Variants in DNM3 observed in about 807,000 individuals in gnomAD.
The protein encoded by DNM3 is dynamin-3.
DNM3 carries 47 observed loss-of-function variants against 101.6 expected under a neutral mutation model. That is an observed-to-expected ratio of 0.46 (90% CI 0.37 to 0.59). DNM3 has a LOEUF of 0.59. Ranked by LOEUF, DNM3 falls within the 20% of genes least tolerant of loss-of-function variation. DNM3 has a pLI of 0.00. For missense variants in DNM3, 849 were observed against 1,085.7 expected (o/e 0.78, Z 3.06); for synonymous variants, 385 against 387.9 (o/e 0.99, Z 0.09).
intron 16 of DNM3, among the ~76,000 whole-genome samples, chr1:172,313,437 A>G (rs531216812): frequency 6.6e-6 from 1 of 152,342 alleles, no homozygotes; most frequent in East Asian, 1.9e-4. Context: ...GATATAACAA[A>G]CAACTGACTT....
chr1:172,035,449 C>A (rs1480592167), intron 6 of DNM3, among the ~76,000 whole-genome samples: 4 of 151,928 alleles, frequency 2.6e-5, no homozygotes, highest in Non-Finnish European at 5.9e-5. Context: ...AGGCCTTGGA[C>A]CCAGATTTGA....
chr1:172,162,346 A>T (rs585823), intron 14 of DNM3, among the ~76,000 whole-genome samples: 144,696 of 152,124 alleles, frequency 0.95, 68,893 homozygotes, highest in East Asian at 1. Context: ...CAAAAAAACA[A>T]CATTTTGGGT....
At chr1:172,379,536 A>G (rs2068782246) in intron 18 of DNM3, among the ~76,000 whole-genome samples, 1 of 152,182 alleles carries the variant, frequency 6.6e-6, no homozygotes, top group African/African-American at 2.4e-5. Flanking sequence ...TTGAGACTAA[A>G]GGCAAAGGAT....
chr1:171,913,586 A>G (rs1022758016), intron 1 of DNM3, among the ~76,000 whole-genome samples: 1 of 152,226 alleles, frequency 6.6e-6, no homozygotes, highest in Admixed American at 6.5e-5. Flanking sequence ...AGCTATTTTA[A>G]TAGCACCATT....
intron 2 of DNM3, among the ~76,000 whole-genome samples, chr1:171,948,940 G>A (rs1460751003): frequency 6.6e-6 from 1 of 152,132 alleles, no homozygotes; most frequent in Non-Finnish European, 1.5e-5. Flanking sequence ...TGTTTAGGAA[G>A]TGCCTCATTT....
chr1:172,190,958 C>G (rs1200649407), intron 14 of DNM3, among the ~76,000 whole-genome samples: 2 of 152,108 alleles, frequency 1.3e-5, no homozygotes, highest in Non-Finnish European at 2.9e-5. Flanking sequence ...TTCTCCCATT[C>G]TGTAGGTTGC....
chr1:171,932,054 C>CCCTCCCTCCATT (rs1235836308), intron 2 of DNM3, among the ~76,000 whole-genome samples: 1 of 111,786 alleles, frequency 8.9e-6, no homozygotes, highest in Non-Finnish European at 1.9e-5. Flanking sequence ...CCATCCCCCA[C>CCCTCCCTCCATT]CCTCCCTCCA....
chr1:172,030,040 G>A (rs899943129), intron 4 of DNM3, among the ~76,000 whole-genome samples: 13 of 152,186 alleles, frequency 8.5e-5, no homozygotes, highest in African/African-American at 3.1e-4. Context: ...TTTCTTCAAA[G>A]AATTAGAAAA....
At chr1:171,921,877 C>T in intron 2 of DNM3, 56 bp downstream of exon 2, 2 of 1,493,514 alleles carry the variant, frequency 1.3e-6, no homozygotes, top group Non-Finnish European at 1.8e-6. Flanking sequence ...CCCCTTTTGC[C>T]TTCATAGGTG....
chr1:171,874,610 C>G (rs2035587207), intron 1 of DNM3, among the ~76,000 whole-genome samples: 2 of 152,054 alleles, frequency 1.3e-5, no homozygotes, highest in Admixed American at 1.3e-4. Context: ...GATTAGTGAG[C>G]CTGGATTAGT....
At position 171,852,566 on chromosome 1, in the gene DNM3, T is replaced by C. The variant is rs75232097; in HGVS notation, c.161+10749T>C. Among the ~76,000 whole-genome samples the C allele has an allele frequency of 3.4e-3, 520 of 152,322 alleles. 6 individuals are homozygous for C. Among genetic ancestry groups the C allele is most frequent in the African/African-American group, 0.012 (493 of 41,582 alleles). ...GGCTAACAATTCTTATGAGAGCCAT[T>C]TGTCAGAGAATAGTTGGTGAGTTCA... is the stretch of plus-strand genomic sequence containing the variant. On this transcript the variant is annotated intron_variant, in intron 1 of 20. Coordinates refer to ENST00000627582, the MANE Select transcript of DNM3 (RefSeq NM_015569.5).
At chr1:171,907,723 A>G (rs1375037640) in intron 1 of DNM3, among the ~76,000 whole-genome samples, 2 of 152,162 alleles carry the variant, frequency 1.3e-5, no homozygotes, top group Non-Finnish European at 2.9e-5. Flanking sequence ...TCAAGTCGTT[A>G]CTAAACTCTC....
chr1:172,206,939 G>A (rs1558725832), intron 14 of DNM3, among the ~76,000 whole-genome samples: 1 of 152,022 alleles, frequency 6.6e-6, no homozygotes, highest in Non-Finnish European at 1.5e-5. Context: ...TCTGTATATT[G>A]TAGTCCCTAT....
chr1:172,163,275 G>T (rs566429142), intron 14 of DNM3, among the ~76,000 whole-genome samples: 1 of 141,398 alleles, frequency 7.1e-6, no homozygotes, highest in Non-Finnish European at 1.5e-5. Flanking sequence ...GAGTCACTCC[G>T]TCACCCAGGC....
intron 2 of DNM3, among the ~76,000 whole-genome samples, chr1:171,959,338 T>C (rs995262086): frequency 2.6e-5 from 4 of 152,172 alleles, no homozygotes; most frequent in African/African-American, 9.7e-5. Flanking sequence ...GAAAAACAGA[T>C]ACATAAGTAG....
At chr1:172,239,922 A>G (rs951609398) in intron 14 of DNM3, among the ~76,000 whole-genome samples, 18 of 146,368 alleles carry the variant, frequency 1.2e-4, no homozygotes, top group African/African-American at 2.5e-5. Flanking sequence ...CGGCATGGAG[A>G]TGTGTTGGAG....
chr1:172,108,888 AT>A (rs1163860310), intron 13 of DNM3, among the ~76,000 whole-genome samples: 3 of 152,216 alleles, frequency 2.0e-5, no homozygotes, highest in African/African-American at 7.2e-5. Context: ...CTGTACTACC[AT>A]TTGTATTGCC....
chr1:171,961,249 A>T (rs752400867), intron 2 of DNM3, among the ~76,000 whole-genome samples: 2 of 152,104 alleles, frequency 1.3e-5, no homozygotes, highest in Non-Finnish European at 2.9e-5. Flanking sequence ...CCAGCAGTGC[A>T]CTCCAGCCTG....
intron 20 of DNM3, among the ~76,000 whole-genome samples, chr1:172,394,653 C>T (rs553836769): frequency 1.2e-4 from 18 of 152,142 alleles, no homozygotes; most frequent in South Asian, 2.1e-4. Context: ...GCAGGGAAAG[C>T]CTTCCTGAGT....
Sources: gnomAD v4.1 joint callset for allele counts (sites outside exome capture counted in the v4.1 genomes callset) on GRCh38, gnomAD v4.1.1 for gene constraint, MANE v1.5 for transcripts, NCBI Gene and HGNC (gene_info 2026-07-23, HGNC 2026-07-21) for gene names.